Variants in ABHD3 observed in about 807,000 individuals in gnomAD.
ABHD3 encodes the protein phospholipase ABHD3.
ABHD3 carries 46 observed loss-of-function variants against 48.8 expected under a neutral mutation model. The observed-to-expected ratio is 0.94, with a 90% CI of 0.74 to 1.20. The LOEUF (loss-of-function observed/expected upper bound fraction) is 1.20, where lower values mean the gene tolerates loss of function less well. Ranked by LOEUF, ABHD3 falls within the 50% of genes most tolerant of loss-of-function variation. The pLI is 0.00. For missense variants in ABHD3, 490 were observed against 497.8 expected (o/e 0.98, Z 0.15); for synonymous variants, 192 against 183.7 (o/e 1.04, Z -0.36).
intron 3 of ABHD3, among the ~76,000 whole-genome samples, chr18:21,692,732 T>C (rs2040280439): frequency 6.6e-6 from 1 of 152,224 alleles, no homozygotes; most frequent in Admixed American, 6.5e-5. Flanking sequence ...TTAGCTGTGA[T>C]CCTAAAATTT....
chr18:21,691,898 A>G (rs1443268208), intron 3 of ABHD3, among the ~76,000 whole-genome samples: 1 of 152,196 alleles, frequency 6.6e-6, no homozygotes, highest in East Asian at 1.9e-4. Context: ...AACTATCAAC[A>G]TTTCAAAAAG....
intron 3 of ABHD3, among the ~76,000 whole-genome samples, chr18:21,694,104 T>TA (rs1266192553): frequency 1.3e-5 from 2 of 151,800 alleles, no homozygotes; most frequent in South Asian, 2.1e-4. Context: ...CATTTTTTTT[T>TA]AAAATTTATT....
chr18:21,678,219 T>A (rs1318322020), intron 4 of ABHD3, among the ~76,000 whole-genome samples: 1 of 152,208 alleles, frequency 6.6e-6, no homozygotes, highest in East Asian at 1.9e-4. Context: ...CCTCCCAAAG[T>A]GCTGGGATTA....
Position 21,676,704 on chromosome 18 carries a change from C to T in ABHD3, c.555+7216G>A, listed in dbSNP as rs774989093. 3.2e-4 allele frequency among the ~76,000 whole-genome samples: 49 copies of T among 152,202 alleles called. 1 individual carries two copies. The highest frequency in any genetic ancestry group is 1.3e-4 in the Non-Finnish European group (9 of 68,052). On this transcript the variant is annotated intron_variant, in intron 4 of 8. Transcript: ENST00000289119. ...CCGCATCCGGCCTTAAGTTGGCTGA[C>T]ATTCTATCTCAGCTCCTTATCTTGT...
chr18:21,682,165 A>G (rs1337435144), intron 4 of ABHD3: 1 of 152,240 alleles, frequency 6.6e-6, no homozygotes, highest in Non-Finnish European at 1.5e-5. Context: ...AATGGGGGCT[A>G]TACTTACCTA....
At chr18:21,666,004 ATTTTC>A (rs1398332728) in intron 4 of ABHD3, among the ~76,000 whole-genome samples, 2 of 151,508 alleles carry the variant, frequency 1.3e-5, no homozygotes, top group Non-Finnish European at 1.5e-5. Flanking sequence ...TTAACTGAAT[ATTTTC>A]TTTTATTTTT....
rs529222034 is a variant in ABHD3, at chr18:21,684,858, G to A, written c.510-893C>T. On this transcript the variant is annotated intron_variant, in intron 3 of 8. Transcript: ENST00000289119. The stretch of plus-strand genomic sequence containing the variant: ...ACTGCTTAGTGTTCAGTTGACCTAG[G>A]GAGGAAAGATGACCTTGTGCTTTCT... Among the ~76,000 whole-genome samples the A allele has an allele frequency of 1.7e-4, 26 of 152,270 alleles. No individual in the cohort carries two copies. The South Asian group carries it at 3.5e-3, about 21-fold the overall frequency.
intron 5 of ABHD3, chr18:21,663,713 G>T: frequency 6.5e-7 from 1 of 1,535,606 alleles, no homozygotes; most frequent in Non-Finnish European, 8.7e-7. Flanking sequence ...ACTGCAGCTG[G>T]AGAGAGCAAT....
intron 3 of ABHD3, among the ~76,000 whole-genome samples, chr18:21,687,155 T>G (rs2040145626): frequency 6.6e-6 from 1 of 152,022 alleles, no homozygotes; most frequent in Non-Finnish European, 1.5e-5. Flanking sequence ...AACAATCCTC[T>G]CGTCTTGGCC....
At chr18:21,703,499 ATT>A in intron 2 of ABHD3, 83 bp downstream of exon 2, 1 of 1,500,302 alleles carries the variant, frequency 6.7e-7, no homozygotes, top group Non-Finnish European at 9.1e-7. Flanking sequence ...AGCAGATTCT[ATT>A]AACCAAGAAC....
intron 5 of ABHD3, among the ~76,000 whole-genome samples, chr18:21,660,393 C>G (rs749954565): frequency 1.6e-4 from 25 of 152,142 alleles, no homozygotes; most frequent in Non-Finnish European, 2.8e-4. Context: ...AACTTGTTTT[C>G]TCTTTCTATT....
intron 1 of ABHD3, among the ~76,000 whole-genome samples, chr18:21,704,016 C>G (rs988344027): frequency 4.6e-5 from 7 of 152,188 alleles, no homozygotes; most frequent in African/African-American, 1.7e-4. Flanking sequence ...CTCAGCCTCC[C>G]GAGTAGCTGG....
chr18:21,699,382 C>G (rs960411455), intron 3 of ABHD3, among the ~76,000 whole-genome samples: 1 of 152,164 alleles, frequency 6.6e-6, no homozygotes, highest in African/African-American at 2.4e-5. Flanking sequence ...TTTCACAAAC[C>G]CTGTTATCTG....
intron 3 of ABHD3, among the ~76,000 whole-genome samples, chr18:21,692,516 A>G (rs911986529): frequency 2.1e-5 from 3 of 145,680 alleles, no homozygotes; most frequent in Non-Finnish European, 3.0e-5. Flanking sequence ...AAGCGGCCCT[A>G]TGAATTTTTT....
intron 3 of ABHD3, among the ~76,000 whole-genome samples, chr18:21,691,224 A>G (rs1805034667): frequency 6.6e-6 from 1 of 152,198 alleles, no homozygotes; most frequent in African/African-American, 2.4e-5. Context: ...AATTCATAGG[A>G]AGACTAACAA....
intron 4 of ABHD3, 163 bp downstream of exon 4, chr18:21,683,757 G>A (rs557962150): frequency 4.1e-5 from 21 of 515,762 alleles, no homozygotes; most frequent in African/African-American, 8.0e-5. Context: ...TACAATTATC[G>A]GTCTTGTAAA....
At chr18:21,660,932 G>A (rs1352415861) in intron 5 of ABHD3, among the ~76,000 whole-genome samples, 1 of 151,854 alleles carries the variant, frequency 6.6e-6, no homozygotes, top group Non-Finnish European at 1.5e-5. Context: ...AGGCCTTGAA[G>A]GGAAACTCAG....
intron 4 of ABHD3, chr18:21,664,557 A>AG (rs1479273932): frequency 5.2e-6 from 1 of 193,628 alleles, no homozygotes; most frequent in Non-Finnish European, 1.0e-5. Context: ...AGAGCAGTTT[A>AG]GGAAAAAAAG....
At chr18:21,662,011 C>T (rs1015847147) in intron 5 of ABHD3, 5 of 151,968 alleles carry the variant, frequency 3.3e-5, no homozygotes, top group African/African-American at 1.2e-4. Context: ...CTCTATTGCC[C>T]AGGCTGGAGT....
Sources: allele counts gnomAD v4.1 joint callset (sites outside exome capture counted in the v4.1 genomes callset), GRCh38; gene constraint gnomAD v4.1.1; transcripts MANE v1.5; gene names NCBI Gene and HGNC (gene_info 2026-07-23, HGNC 2026-07-21).